USH2A: variants seen among roughly 807,000 people sequenced by gnomAD.
USH2A encodes the protein Usher syndrome 2A (autosomal recessive, mild).
A neutral mutation model predicts 538.9 loss-of-function variants in USH2A; 443 were observed. The observed-to-expected ratio is 0.82, with a 90% CI of 0.76 to 0.89. The LOEUF is 0.89. USH2A is among the 40% of genes least tolerant of loss of function. USH2A has a pLI of 0.00. For synonymous variants in USH2A, 2,413 were observed against 2,273.5 expected (o/e 1.06, Z -1.75); for missense variants, 6,633 against 6,324.8 (o/e 1.05, Z -1.65).
chr1:216,209,648 A>G (rs2035196348), intron 15 of USH2A, among the ~76,000 whole-genome samples: 1 of 151,956 alleles, frequency 6.6e-6, no homozygotes, highest in Non-Finnish European at 1.5e-5. Context: ...TACACCATAC[A>G]CACACACACA....
At chr1:216,418,160 AT>A (rs1305604273) in intron 3 of USH2A, among the ~76,000 whole-genome samples, 1 of 152,144 alleles carries the variant, frequency 6.6e-6, no homozygotes, top group Non-Finnish European at 1.5e-5. Flanking sequence ...TAATACATCC[AT>A]GACTAGTAAA....
intron 47 of USH2A, among the ~76,000 whole-genome samples, chr1:215,825,668 G>T (rs112221501): frequency 6.6e-6 from 1 of 151,830 alleles, no homozygotes; most frequent in Non-Finnish European, 1.5e-5. Context: ...TTTTCTAATC[G>T]ATTTGGTCAT....
chr1:215,677,947 C>T (rs1658088486), intron 62 of USH2A, among the ~76,000 whole-genome samples: 1 of 152,196 alleles, frequency 6.6e-6, no homozygotes, highest in Admixed American at 6.5e-5. Flanking sequence ...CCAGTCTCCC[C>T]TTCCTCATCA....
chr1:215,683,447 T>C (rs1274735660), intron 61 of USH2A, among the ~76,000 whole-genome samples: 4 of 152,222 alleles, frequency 2.6e-5, no homozygotes, highest in Non-Finnish European at 5.9e-5. Flanking sequence ...ATTTCCAACA[T>C]CAAAGTTCAC....
chr1:215,990,266 C>T (rs1018972189), intron 35 of USH2A, among the ~76,000 whole-genome samples: 3 of 152,142 alleles, frequency 2.0e-5, no homozygotes, highest in African/African-American at 7.2e-5. Flanking sequence ...TCAGAATCTA[C>T]ACAGCTAGAA....
chr1:216,234,273 G>A (rs763660056), intron 13 of USH2A, among the ~76,000 whole-genome samples: 7 of 152,024 alleles, frequency 4.6e-5, no homozygotes, highest in African/African-American at 2.4e-5. Context: ...TTCAAGGGCA[G>A]CAAAATAGAA....
At chr1:215,932,271 C>T (rs908057612) in intron 38 of USH2A, among the ~76,000 whole-genome samples, 2 of 151,958 alleles carry the variant, frequency 1.3e-5, no homozygotes, top group African/African-American at 4.8e-5. Context: ...GTTGGTTTGC[C>T]TCCGTATATT....
intron 3 of USH2A, among the ~76,000 whole-genome samples, chr1:216,413,351 C>G (rs949690186): frequency 9.9e-5 from 15 of 151,996 alleles, no homozygotes; most frequent in African/African-American, 2.9e-4. Flanking sequence ...AGGAGGCTTC[C>G]ATAAGGTGAC....
intron 17 of USH2A, among the ~76,000 whole-genome samples, chr1:216,199,181 A>T (rs1326138414): frequency 6.6e-6 from 1 of 152,224 alleles, no homozygotes; most frequent in African/African-American, 2.4e-5. Flanking sequence ...GTTCAAATGC[A>T]TGAATGCAAA....
At chr1:215,910,654 C>T (rs1463487390) in intron 38 of USH2A, among the ~76,000 whole-genome samples, 1 of 151,876 alleles carries the variant, frequency 6.6e-6, no homozygotes, top group Non-Finnish European at 1.5e-5. Flanking sequence ...TTACTCACAC[C>T]ATAACTACAA....
chr1:216,050,604 CT>C lies in USH2A; in HGVS notation c.6050-1958del, dbSNP rs746265112. ...TCTTTCTTTCTTTCTTTCTTTCTTT[CT>C]TTTTTTTTTTTTTTTTTGAGACAGA... is the stretch of plus-strand genomic sequence containing the variant. On this transcript the variant is annotated intron_variant, in intron 30 of 71. Coordinates refer to ENST00000307340, the MANE Select transcript of USH2A (RefSeq NM_206933.4). 2.3e-3 allele frequency among the ~76,000 whole-genome samples: 159 copies of C among 68,564 alleles called. 5 individuals are homozygous for C. The highest frequency in any genetic ancestry group is 7.3e-3 in the East Asian group (14 of 1,914). The allele number at this position is 68,564 out of a possible 152,430, so 45.0% of individuals were successfully genotyped here. A position where few individuals can be genotyped will look rare whatever the true frequency, so the allele number is the denominator to read the frequency against.
intron 15 of USH2A, among the ~76,000 whole-genome samples, chr1:216,212,683 T>G (rs202242414): frequency 2.2e-4 from 33 of 147,554 alleles, no homozygotes; most frequent in African/African-American, 7.5e-4. Context: ...GTGTGTGTGT[T>G]TGTGTGTGTG....
In USH2A at chr1:215,934,612, T is replaced by C; in HGVS notation, c.7300+4A>G. On this transcript the variant is annotated splice_donor_region_variant and intron_variant, in intron 38 of 71. Coordinates refer to ENST00000307340, the MANE Select transcript of USH2A (RefSeq NM_206933.4). ...TTAGATAGCCAACATTTGCATAGAC[T>C]TACCTCCTGGAGGCATTGCAATTGT... The C allele has an allele frequency of 6.2e-7, 1 of 1,611,746 alleles. No individual in the cohort carries two copies. Among genetic ancestry groups the C allele is most frequent in the Non-Finnish European group, 8.5e-7 (1 of 1,178,452 alleles).
intron 14 of USH2A, among the ~76,000 whole-genome samples, chr1:216,223,058 A>G (rs1023335698): frequency 6.6e-6 from 1 of 151,062 alleles, no homozygotes; most frequent in Non-Finnish European, 1.5e-5. Context: ...TTTTTCCTAG[A>G]ATCTCCATAA....
chr1:215,861,788 CT>C (rs1206784655), intron 44 of USH2A, among the ~76,000 whole-genome samples: 1 of 149,408 alleles, frequency 6.7e-6, no homozygotes, highest in Non-Finnish European at 1.5e-5. Flanking sequence ...AAGGCTATCA[CT>C]AAAAGAAAAA....
At chr1:216,285,220 G>T (rs370231867) in intron 11 of USH2A, among the ~76,000 whole-genome samples, 2 of 152,148 alleles carry the variant, frequency 1.3e-5, no homozygotes, top group Non-Finnish European at 2.9e-5. Flanking sequence ...AGGAAAAAAT[G>T]GTCCCATGGG....
At chr1:216,031,113 A>T (rs1669111649) in intron 32 of USH2A, among the ~76,000 whole-genome samples, 1 of 151,938 alleles carries the variant, frequency 6.6e-6, no homozygotes, top group Admixed American at 6.6e-5. Context: ...TTATTTTGAG[A>T]GAAAGGACAT....
At chr1:216,115,769 AC>A (rs1390528463) in intron 21 of USH2A, among the ~76,000 whole-genome samples, 1 of 151,700 alleles carries the variant, frequency 6.6e-6, no homozygotes, top group African/African-American at 2.4e-5. Context: ...CATTTGGAAA[AC>A]AATTGTGTCT....
Position 215,783,058 on chromosome 1 carries a change from G to T in USH2A, c.10388-123C>A, listed in dbSNP as rs576353247. ...AAATGTTTAATGCTCTAAACGCTTT[G>T]TATATAAATAAAACTCTAATATCTT... On this transcript the variant is annotated intron_variant, in intron 52 of 71. Transcript: ENST00000307340. 3.7e-4 allele frequency: 309 copies of T among 824,098 alleles called. 1 individual carries two copies. Among genetic ancestry groups the T allele is most frequent in the Middle Eastern group, 3.2e-3 (9 of 2,800 alleles). The allele number at this position is 824,098 out of a possible 1,614,324, so 51.0% of individuals were successfully genotyped here. A position where few individuals can be genotyped will look rare whatever the true frequency, so the allele number is the denominator to read the frequency against.
Sources: gnomAD v4.1 joint callset for allele counts (sites outside exome capture counted in the v4.1 genomes callset) on GRCh38, gnomAD v4.1.1 for gene constraint, MANE v1.5 for transcripts, NCBI Gene and HGNC (gene_info 2026-07-23, HGNC 2026-07-21) for gene names.